Variants in PRR5L observed in about 807,000 individuals in gnomAD.
PRR5L encodes proline rich 5 like.
A neutral mutation model predicts 36.4 loss-of-function variants in PRR5L; 21 were observed. The ratio of observed to expected loss-of-function variants is 0.58; its 90% CI spans 0.41 to 0.83. The LOEUF (loss-of-function observed/expected upper bound fraction) is 0.83, where lower values mean the gene tolerates loss of function less well. PRR5L is among the 40% of genes least tolerant of loss of function. The pLI is 0.00. For synonymous variants in PRR5L, 188 were observed against 197.0 expected (o/e 0.95, Z 0.38); for missense variants, 381 against 473.3 (o/e 0.80, Z 1.81).
At chr11:36,362,062 A>G (rs1393869146) in intron 1 of PRR5L, 1 of 150,958 alleles carries the variant, frequency 6.6e-6, no homozygotes, top group African/African-American at 2.4e-5. Flanking sequence ...AAAAGGCAAA[A>G]AAAAAAAAAA....
At chr11:36,300,992 C>G (rs1249807706) in intron 1 of PRR5L, 1 of 152,276 alleles carries the variant, frequency 6.6e-6, no homozygotes, top group African/African-American at 2.4e-5. Context: ...TTTGTGGGCT[C>G]TCTGCCAGGA....
rs553591190 is a variant in PRR5L at position 36,321,053 on chromosome 11, G to C, written c.-126+24615G>C. 6.4e-4 allele frequency: 97 copies of C among 152,178 alleles called. 1 individual carries two copies. Among genetic ancestry groups the C allele is most frequent in the Middle Eastern group, 3.4e-3 (1 of 294 alleles). The allele number at this position is 152,178 out of a possible 1,614,324, so 9.4% of individuals were successfully genotyped here. A position where few individuals can be genotyped will look rare whatever the true frequency, so the allele number is the denominator to read the frequency against. On this transcript the variant is annotated intron_variant, in intron 1 of 8. Coordinates refer to ENST00000530639, the MANE Select transcript of PRR5L (RefSeq NM_001160167.2). ...TCTTTGAGTTTTGATGTTGTTGTTT[G>C]CTTTTAGTTATTTCTGTAAAGTTAA... is the stretch of plus-strand genomic sequence containing the variant.
At chr11:36,336,403 C>T (rs12418670) in intron 1 of PRR5L, among the ~76,000 whole-genome samples, 7,736 of 151,834 alleles carry the variant, frequency 0.051, 225 homozygotes, top group African/African-American at 0.085. Flanking sequence ...CTAATTTTTG[C>T]ATTTTTAGTA....
intron 1 of PRR5L, among the ~76,000 whole-genome samples, chr11:36,385,308 G>A (rs1857438121): frequency 6.6e-6 from 1 of 152,172 alleles, no homozygotes. Context: ...CAAGAAACTT[G>A]ATACTTAAAG....
In PRR5L at chr11:36,396,793, C is replaced by A. The variant is rs189008415; in HGVS notation, c.-125-4204C>A. Among the ~76,000 whole-genome samples, 3 of 152,302 alleles carry A rather than the reference C, an allele frequency of 2.0e-5. No individual in the cohort carries two copies. In the East Asian group the frequency reaches 5.8e-4, roughly 29 times the overall value. ...GTGTCTAAGGCAGCTGTTCTTTCTC[C>A]TTTCATCCTTTCTCACCACTCCTCT... On this transcript the variant is annotated intron_variant, in intron 1 of 8. Coordinates refer to ENST00000530639, the MANE Select transcript of PRR5L (RefSeq NM_001160167.2).
At chr11:36,437,269 GT>G in intron 5 of PRR5L, 115 bp from the exon 6 acceptor site, 1 of 807,380 alleles carries the variant, frequency 1.2e-6, no homozygotes, top group South Asian at 1.3e-5. Flanking sequence ...CTGGCTGCAA[GT>G]TTTTTAGCAT....
chr11:36,342,341 G>C (rs1856825126), intron 1 of PRR5L, among the ~76,000 whole-genome samples: 1 of 152,116 alleles, frequency 6.6e-6, no homozygotes. Context: ...GGGCAGACGG[G>C]GGCGAAATAT....
chr11:36,309,834 C>A (rs894285119), intron 1 of PRR5L, among the ~76,000 whole-genome samples: 1 of 151,970 alleles, frequency 6.6e-6, no homozygotes, highest in African/African-American at 2.4e-5. Context: ...ACAAGTCCAC[C>A]ATAATGACAA....
At chr11:36,304,670 A>T (rs936921973) in intron 1 of PRR5L, among the ~76,000 whole-genome samples, 3 of 152,222 alleles carry the variant, frequency 2.0e-5, no homozygotes, top group Non-Finnish European at 4.4e-5. Flanking sequence ...TTCCTTCTGC[A>T]TGTACTGTTG....
At chr11:36,340,929 A>G (rs530462493) in intron 1 of PRR5L, among the ~76,000 whole-genome samples, 19 of 152,358 alleles carry the variant, frequency 1.2e-4, no homozygotes, top group African/African-American at 4.6e-4. Flanking sequence ...CAGCTGTGGT[A>G]GAGAGAGCTT....
At chr11:36,351,671 ATACTTATATATT>A (rs1299967898) in intron 1 of PRR5L, among the ~76,000 whole-genome samples, 6 of 4,580 alleles carry the variant, frequency 1.3e-3, no homozygotes, top group Non-Finnish European at 2.0e-3. Context: ...ATATATTTAT[ATACTTATATATT>A]TATATATTTA....
intron 1 of PRR5L, among the ~76,000 whole-genome samples, chr11:36,338,369 T>G (rs1856787944): frequency 6.6e-6 from 1 of 152,226 alleles, no homozygotes; most frequent in African/African-American, 2.4e-5. Context: ...TTGCTTGACA[T>G]CCAAGCTGTA....
chr11:36,348,411 G>A (rs930961711), intron 1 of PRR5L, among the ~76,000 whole-genome samples: 7 of 152,054 alleles, frequency 4.6e-5, no homozygotes, highest in Admixed American at 2.6e-4. Flanking sequence ...CCTAAAGCCC[G>A]AGTTCCCTGC....
In PRR5L at chr11:36,388,694, CTTTCTTT is replaced by C. The variant is rs1202757684; in HGVS notation, c.-125-12299_-125-12293del. 2.7e-5 allele frequency among the ~76,000 whole-genome samples: 3 copies of C among 112,788 alleles called. 1 individual carries two copies. The highest frequency in any genetic ancestry group is 1.1e-4 in the Admixed American group (1 of 9,458). The allele number at this position is 112,788 out of a possible 152,430, so 74.0% of individuals were successfully genotyped here. A position where few individuals can be genotyped will look rare whatever the true frequency, so the allele number is the denominator to read the frequency against. The stretch of plus-strand genomic sequence containing the variant: ...TTCTTTCATTCAAGGTCGGCTCTTT[CTTTCTTT>C]TTTTTTTTTTTTTTTGAGACGGAGT... On this transcript the variant is annotated intron_variant, in intron 1 of 8. Coordinates refer to ENST00000530639, the MANE Select transcript of PRR5L (RefSeq NM_001160167.2).
At chr11:36,347,850 C>T (rs2133485518) in intron 1 of PRR5L, among the ~76,000 whole-genome samples, 1 of 151,996 alleles carries the variant, frequency 6.6e-6, no homozygotes. Flanking sequence ...GAAAAAAGTT[C>T]CTATGGTGGT....
At chr11:36,318,990 C>T (rs1276368636) in intron 1 of PRR5L, among the ~76,000 whole-genome samples, 1 of 152,170 alleles carries the variant, frequency 6.6e-6, no homozygotes, top group East Asian at 1.9e-4. Context: ...CATATCAAGG[C>T]TTTCTTTAAT....
At chr11:36,367,584 T>C (rs1273060289) in intron 1 of PRR5L, among the ~76,000 whole-genome samples, 1 of 152,184 alleles carries the variant, frequency 6.6e-6, no homozygotes, top group Non-Finnish European at 1.5e-5. Flanking sequence ...TGACCTAAGG[T>C]TTGGCTTATA....
chr11:36,442,177 T>C lies in PRR5L; in HGVS notation c.445-4123T>C, dbSNP rs111692836. On this transcript the variant is annotated intron_variant, in intron 6 of 8. Transcript: ENST00000530639. Reference sequence around the variant, plus strand: ...CTCTCTTATATTTCTCTCCTGCAAATGCCTTTTCCTTCTTCACTGCATGGC... The same window carrying C: ...CTCTCTTATATTTCTCTCCTGCAAACGCCTTTTCCTTCTTCACTGCATGGC... Among the ~76,000 whole-genome samples, 511 of 152,332 alleles carry C rather than the reference T, an allele frequency of 3.4e-3. 2 individuals carry two copies. Among genetic ancestry groups the C allele is most frequent in the African/African-American group, 0.012 (493 of 41,572 alleles).
At chr11:36,362,494 A>G (rs574727886) in intron 1 of PRR5L, among the ~76,000 whole-genome samples, 1 of 152,144 alleles carries the variant, frequency 6.6e-6, no homozygotes, top group South Asian at 2.1e-4. Flanking sequence ...CGGAGACAGT[A>G]TCTTTACCCC....
Sources: allele counts gnomAD v4.1 joint callset (sites outside exome capture counted in the v4.1 genomes callset), GRCh38; gene constraint gnomAD v4.1.1; transcripts MANE v1.5; gene names NCBI Gene and HGNC (gene_info 2026-07-23, HGNC 2026-07-21).